Variants in CUL4A observed in about 807,000 individuals in gnomAD.
The protein encoded by CUL4A is cullin 4A.
CUL4A carries 16 observed loss-of-function variants against 95.5 expected under a neutral mutation model. The ratio of observed to expected loss-of-function variants is 0.17; its 90% CI spans 0.11 to 0.25. The LOEUF (loss-of-function observed/expected upper bound fraction) is 0.25. CUL4A is among the 10% of genes least tolerant of loss of function. The probability of loss-of-function intolerance (pLI) is 1.00; values close to 1 mark genes in which losing one functional copy is unlikely to be tolerated. For synonymous variants in CUL4A, 380 were observed against 353.1 expected (o/e 1.08, Z -0.85); for missense variants, 610 against 937.0 (o/e 0.65, Z 4.56).
intron 16 of CUL4A, 45 bp from the exon 17 acceptor site, chr13:113,254,648 T>C: frequency 3.9e-6 from 5 of 1,272,948 alleles, no homozygotes; most frequent in Non-Finnish European, 5.5e-6. Context: ...TTTCAAAGAT[T>C]GTACATGCAC....
At chr13:113,235,978 A>G (rs1234678987) in intron 8 of CUL4A, among the ~76,000 whole-genome samples, 1 of 152,008 alleles carries the variant, frequency 6.6e-6, no homozygotes, top group Non-Finnish European at 1.5e-5. Flanking sequence ...CTCAAAAAAA[A>G]AAAAAAAAGA....
intron 10 of CUL4A, 33 bp from the exon 11 acceptor site, chr13:113,242,935 T>G: frequency 6.4e-7 from 1 of 1,554,774 alleles, no homozygotes; most frequent in African/African-American, 1.4e-5. Flanking sequence ...ATTGTAAACA[T>G]GTTGCTGAGT....
chr13:113,211,477 C>T (rs1392844989), intron 2 of CUL4A, among the ~76,000 whole-genome samples: 4 of 152,216 alleles, frequency 2.6e-5, no homozygotes, highest in Non-Finnish European at 4.4e-5. Flanking sequence ...CTCCACCTCG[C>T]AGGTTCAAGC....
intron 15 of CUL4A, among the ~76,000 whole-genome samples, chr13:113,250,678 TATCACAAAC>T: frequency 6.6e-6 from 1 of 152,124 alleles, no homozygotes; most frequent in Middle Eastern, 3.2e-3. Flanking sequence ...CTAAGAGGTT[TATCACAAAC>T]CATGGTACTT....
At chr13:113,216,150 AGGTCTTTGTGT>A (rs1198296569) in intron 2 of CUL4A, among the ~76,000 whole-genome samples, 4 of 144,428 alleles carry the variant, frequency 2.8e-5, no homozygotes, top group Non-Finnish European at 6.0e-5. Context: ...GTGGCTGTGG[AGGTCTTTGTGT>A]GACTATGGAG....
At chr13:113,229,751 T>C (rs1218029461) in intron 5 of CUL4A, 4 of 539,814 alleles carry the variant, frequency 7.4e-6, no homozygotes, top group Non-Finnish European at 1.3e-5. Context: ...GGCGGCTGAC[T>C]TTGGTCATGA....
At chr13:113,238,884 T>A (rs916149805) in intron 9 of CUL4A, among the ~76,000 whole-genome samples, 1 of 152,264 alleles carries the variant, frequency 6.6e-6, no homozygotes, top group Non-Finnish European at 1.5e-5. Flanking sequence ...AGAAAATCTA[T>A]GAGAGTTTTT....
Position 113,254,681 on chromosome 13 carries a change from C to G in CUL4A, c.1753-12C>G. 6.4e-7 allele frequency: 1 copy of G among 1,561,780 alleles called. No homozygotes were observed. ...CACAGCTTCAGAGGTGTGATGAGGC[C>G]TTCTCTTCCAGGGGAAGAAGGAATT... On this transcript the variant is annotated splice_polypyrimidine_tract_variant and intron_variant, in intron 16 of 19. Coordinates refer to ENST00000375440, the MANE Select transcript of CUL4A (RefSeq NM_001008895.4).
At position 113,236,883 on chromosome 13, in the gene CUL4A, G is replaced by A. The variant is rs775981010; in HGVS notation, c.909G>A (p.Leu303=). The change falls in exon 9 of 20, where the codon CTG becomes CTA. Residue 303 remains leucine (L), a synonymous_variant. Transcript: ENST00000375440. The part of the protein sequence containing the change: ...QLLGEHLTAI[L]QKGLDHLLDE... Reference sequence around the variant, plus strand: ...TAGGAGAACATTTAACAGCAATTCTGCAGAAAGGTAGATTTCCTAACTCTT... The same window carrying A: ...TAGGAGAACATTTAACAGCAATTCTACAGAAAGGTAGATTTCCTAACTCTT... 6 of 1,608,892 alleles carry A rather than the reference G, an allele frequency of 3.7e-6. No homozygotes were observed. The South Asian group carries it at 6.6e-5, about 18-fold the overall frequency.
At chr13:113,224,705 G>A (rs757294485) in intron 3 of CUL4A, among the ~76,000 whole-genome samples, 6 of 152,272 alleles carry the variant, frequency 3.9e-5, no homozygotes, top group Admixed American at 2.0e-4. Context: ...AGTAGGCCAA[G>A]CTCTGCACAT....
At chr13:113,242,254 A>G (rs1217068013) in intron 10 of CUL4A, among the ~76,000 whole-genome samples, 1 of 151,688 alleles carries the variant, frequency 6.6e-6, no homozygotes, top group African/African-American at 2.4e-5. Flanking sequence ...ACAAAGCGAG[A>G]GTCCATCTCA....
rs1249697802 is a variant in CUL4A at position 113,260,811 on chromosome 13, C to T, written c.2184+52C>T. 2.3e-6 allele frequency: 3 copies of T among 1,329,744 alleles called. No homozygotes were observed. The African/African-American group carries it at 4.4e-5, about 20-fold the overall frequency. The allele number at this position is 1,329,744 out of a possible 1,614,324, so 82.4% of individuals were successfully genotyped here. A position where few individuals can be genotyped will look rare whatever the true frequency, so the allele number is the denominator to read the frequency against. ...TTTGTAGTATTTGCTAAACAATTGA[C>T]AAAGCATGTTTAATTCTATGTTCAG... On this transcript the variant is annotated intron_variant, in intron 19 of 19. Coordinates refer to ENST00000375440, the MANE Select transcript of CUL4A (RefSeq NM_001008895.4).
chr13:113,210,767 T>G (rs934246029), intron 2 of CUL4A, among the ~76,000 whole-genome samples: 26 of 150,002 alleles, frequency 1.7e-4, no homozygotes, highest in Admixed American at 9.4e-4. Context: ...TGTCATACAA[T>G]TATTTCTATT....
intron 3 of CUL4A, among the ~76,000 whole-genome samples, chr13:113,226,785 G>A (rs1303971749): frequency 1.3e-5 from 2 of 152,190 alleles, no homozygotes; most frequent in Non-Finnish European, 1.5e-5. Flanking sequence ...AGCACTTTGG[G>A]AGACTGAGGA....
chr13:113,261,793 TTTTC>T (rs2042285924), intron 19 of CUL4A, among the ~76,000 whole-genome samples: 1 of 151,826 alleles, frequency 6.6e-6, no homozygotes, highest in South Asian at 2.1e-4. Context: ...TGGGTTTTTT[TTTTC>T]TTTGAGATGG....
At chr13:113,235,870 C>T (rs535428172) in intron 8 of CUL4A, among the ~76,000 whole-genome samples, 2 of 151,626 alleles carry the variant, frequency 1.3e-5, no homozygotes, top group East Asian at 3.9e-4. Flanking sequence ...ACTTGGGAGG[C>T]TGAGGCAGGA....
intron 3 of CUL4A, among the ~76,000 whole-genome samples, chr13:113,225,641 AG>A (rs150862223): frequency 6.6e-6 from 1 of 152,298 alleles, no homozygotes; most frequent in East Asian, 1.9e-4. Flanking sequence ...CTGGAAGCAA[AG>A]CTCCGCCTTC....
At chr13:113,257,186 A>G (rs2042152076) in intron 18 of CUL4A, among the ~76,000 whole-genome samples, 1 of 152,022 alleles carries the variant, frequency 6.6e-6, no homozygotes, top group Non-Finnish European at 1.5e-5. Flanking sequence ...CGGCCTCCCA[A>G]AATGCTGAGA....
At position 113,257,710 on chromosome 13, in the gene CUL4A, A is replaced by G. The variant is rs558918725; in HGVS notation, c.2031+2585A>G. 2.0e-5 allele frequency among the ~76,000 whole-genome samples: 3 copies of G among 152,134 alleles called. No individual in the cohort carries two copies. In the East Asian group the frequency reaches 5.8e-4, roughly 29 times the overall value. On this transcript the variant is annotated intron_variant, in intron 18 of 19. Transcript: ENST00000375440. ...TCAGCATGAGATTTTGAGGGGACACATATTCAAAACCATATCATTGGCCTA... is the reference window on the plus strand; with the variant it reads ...TCAGCATGAGATTTTGAGGGGACACGTATTCAAAACCATATCATTGGCCTA...
Sources: gnomAD v4.1 joint callset for allele counts (sites outside exome capture counted in the v4.1 genomes callset) on GRCh38, gnomAD v4.1.1 for gene constraint, MANE v1.5 for transcripts, NCBI Gene and HGNC (gene_info 2026-07-23, HGNC 2026-07-21) for gene names.